TTLL11: variants seen among roughly 807,000 people sequenced by gnomAD.
TTLL11 encodes the protein tubulin polyglutamylase TTLL11.
Under a neutral mutation model 51.7 loss-of-function variants are expected in TTLL11, and 42 were observed. That is an observed-to-expected ratio of 0.81 (90% confidence interval 0.64 to 1.05). The LOEUF (loss-of-function observed/expected upper bound fraction) is 1.05. TTLL11 is among the 50% of genes least tolerant of loss of function. The pLI is 0.00. For synonymous variants in TTLL11, 381 were observed against 383.5 expected, an observed-to-expected ratio of 0.99 and a Z score of 0.08; for missense variants, 799 against 940.4, an observed-to-expected ratio of 0.85 and a Z score of 1.97.
chr9:121,995,349 T>C lies in TTLL11; in HGVS notation c.694-5579A>G, dbSNP rs151031375. Among the ~76,000 whole-genome samples the C allele has an allele frequency of 5.9e-5, 9 of 152,018 alleles. No homozygotes were observed. Among genetic ancestry groups the C allele is most frequent in the Admixed American group, 2.6e-4 (4 of 15,266 alleles). ...ATCACCAGGGCACCCAGGAGGAAGA[T>C]AGTTTGGAAGGAATGAAACCAGGTG... On this transcript the variant is annotated intron_variant, in intron 3 of 8. Transcript: ENST00000321582. This position sits in a 1 kb window ranked among gnomAD's most constrained non-coding sequence, Gnocchi z 4.4.
intron 3 of TTLL11, among the ~76,000 whole-genome samples, chr9:121,996,797 T>A (rs1308191105): frequency 6.6e-6 from 1 of 152,258 alleles, no homozygotes; most frequent in Non-Finnish European, 1.5e-5. Flanking sequence ...CACATTTGTT[T>A]GCTGCTATTA....
intron 8 of TTLL11, among the ~76,000 whole-genome samples, chr9:121,827,133 A>G (rs1030821565): frequency 2.0e-5 from 3 of 151,848 alleles, no homozygotes; most frequent in Admixed American, 1.3e-4. Flanking sequence ...ATTTTTTTTT[A>G]TAGTGATAGA....
At chr9:121,979,107 C>T (rs897713452) in intron 4 of TTLL11, among the ~76,000 whole-genome samples, 2 of 152,210 alleles carry the variant, frequency 1.3e-5, no homozygotes. Context: ...GGCTTTCTCT[C>T]ACTCTCTTGC....
chr9:121,957,963 AG>A (rs1842074278), intron 6 of TTLL11, among the ~76,000 whole-genome samples: 1 of 152,236 alleles, frequency 6.6e-6, no homozygotes, highest in Non-Finnish European at 1.5e-5. Flanking sequence ...CCTCAAAAAA[AG>A]TGAGGGGCCA....
intron 6 of TTLL11, among the ~76,000 whole-genome samples, chr9:121,918,814 A>G (rs1278503689): frequency 6.6e-6 from 1 of 152,240 alleles, no homozygotes; most frequent in Non-Finnish European, 1.5e-5. Flanking sequence ...GCTAAACCCA[A>G]CAACACAGAT....
chr9:121,824,924 C>T (rs1836703498), intron 8 of TTLL11, among the ~76,000 whole-genome samples: 1 of 152,188 alleles, frequency 6.6e-6, no homozygotes, highest in South Asian at 2.1e-4. Flanking sequence ...GGAACTTGAG[C>T]TGGGCAAAGA....
At chr9:122,043,705 A>G (rs1326371190) in intron 1 of TTLL11, among the ~76,000 whole-genome samples, 1 of 152,196 alleles carries the variant, frequency 6.6e-6, no homozygotes, top group African/African-American at 2.4e-5. Flanking sequence ...CAAAATAGGT[A>G]AATCAAAGAT....
chr9:122,003,574 T>C (rs111585095), intron 3 of TTLL11, among the ~76,000 whole-genome samples: 5,703 of 146,378 alleles, frequency 0.039, 110 homozygotes, highest in African/African-American at 0.058. Context: ...AACCTCTGCC[T>C]CCCAGGTTCA....
chr9:122,048,277 C>T (rs1215880156), intron 1 of TTLL11, among the ~76,000 whole-genome samples: 1 of 152,098 alleles, frequency 6.6e-6, no homozygotes. Flanking sequence ...AGTGATCCTC[C>T]CGCATCAGCC....
intron 6 of TTLL11, among the ~76,000 whole-genome samples, chr9:121,968,043 G>T (rs1456773948): frequency 6.6e-6 from 1 of 152,158 alleles, no homozygotes; most frequent in Non-Finnish European, 1.5e-5. Context: ...GTGGCAAAAC[G>T]CTGTGGAGCT....
rs1010185354 is a variant in TTLL11 at position 121,817,659 on chromosome 9, T to A, written c.*4928A>T. The A allele has an allele frequency of 1.3e-5, 2 of 152,222 alleles. No individual in the cohort carries two copies. The highest frequency in any genetic ancestry group is 1.3e-4 in the Admixed American group (2 of 15,282). The allele number at this position is 152,222 out of a possible 1,614,324, so 9.4% of individuals were successfully genotyped here. On this transcript the variant is annotated 3_prime_UTR_variant, in exon 9 of 9. Transcript: ENST00000321582. ...ACACCCAGCCTCTGCGGGACGTGGG[T>A]TTCCACACCTGCAAAATGGGATGTT...
intron 6 of TTLL11, among the ~76,000 whole-genome samples, chr9:121,951,313 C>T (rs1378730314): frequency 1.3e-5 from 2 of 152,088 alleles, no homozygotes; most frequent in East Asian, 3.8e-4. Flanking sequence ...TTTGTAAGAG[C>T]TGACAGAAAA....
chr9:121,945,055 G>A (rs1841614603), intron 6 of TTLL11, among the ~76,000 whole-genome samples: 1 of 152,088 alleles, frequency 6.6e-6, no homozygotes, highest in Non-Finnish European at 1.5e-5. Context: ...GCCCAATCTG[G>A]AGGCCTGTGG....
chr9:121,833,552 A>T (rs907602833), intron 8 of TTLL11, among the ~76,000 whole-genome samples: 1 of 152,118 alleles, frequency 6.6e-6, no homozygotes, highest in Admixed American at 6.5e-5. Context: ...TCTACTTCTC[A>T]GGGTAATGGT....
At chr9:121,976,094 C>A (rs139596421) in intron 4 of TTLL11, among the ~76,000 whole-genome samples, 2 of 152,130 alleles carry the variant, frequency 1.3e-5, no homozygotes, top group African/African-American at 2.4e-5. Flanking sequence ...AATGCAGGGC[C>A]CTTTGTTCAA....
intron 4 of TTLL11, among the ~76,000 whole-genome samples, chr9:121,985,634 A>G (rs1842923887): frequency 1.4e-5 from 2 of 147,638 alleles, no homozygotes; most frequent in African/African-American, 5.1e-5. Context: ...CTCCTGCCTC[A>G]GCCTCCCAAG....
chr9:121,955,642 C>G (rs928770045), intron 6 of TTLL11, among the ~76,000 whole-genome samples: 3 of 152,218 alleles, frequency 2.0e-5, no homozygotes, highest in Admixed American at 1.3e-4. Context: ...CCCAGGCCCA[C>G]TGGACCCTAG....
intron 1 of TTLL11, among the ~76,000 whole-genome samples, chr9:122,044,903 G>A (rs1048114632): frequency 9.9e-5 from 15 of 152,050 alleles, no homozygotes; most frequent in Non-Finnish European, 1.9e-4. Context: ...AGACCAGCCT[G>A]AGCAACATAG....
chr9:122,000,936 C>T (rs989024766), intron 3 of TTLL11, among the ~76,000 whole-genome samples: 1 of 152,208 alleles, frequency 6.6e-6, no homozygotes, highest in Admixed American at 6.5e-5. Context: ...TAACAACTAC[C>T]ATTTATGGGC....
Sources: gnomAD v4.1 joint callset for allele counts (sites outside exome capture counted in the v4.1 genomes callset) on GRCh38, gnomAD v4.1.1 for gene constraint, Gnocchi (gnomAD v3.1) non-coding constraint, MANE v1.5 for transcripts, NCBI Gene and HGNC (gene_info 2026-07-23, HGNC 2026-07-21) for gene names.